Variants in FHIT observed in about 807,000 individuals in gnomAD.
FHIT encodes the protein bis(5'-adenosyl)-triphosphatase.
A neutral mutation model predicts 17.9 loss-of-function variants in FHIT; 19 were observed. The ratio of observed to expected loss-of-function variants is 1.06; its 90% CI spans 0.74 to 1.56. FHIT has a LOEUF of 1.56. Ranked by LOEUF, FHIT falls within the 40% of genes most tolerant of loss-of-function variation. FHIT has a pLI of 0.00. For missense variants in FHIT, 248 were observed against 189.2 expected (o/e 1.31, Z -1.82); for synonymous variants, 81 against 69.7 (o/e 1.16, Z -0.81).
At chr3:60,251,385 A>G (rs1245993128) in intron 5 of FHIT, among the ~76,000 whole-genome samples, 1 of 152,202 alleles carries the variant, frequency 6.6e-6, no homozygotes, top group Non-Finnish European at 1.5e-5. Context: ...ATGGCTTTCT[A>G]TGCAAGCACC....
At chr3:59,978,709 C>A (rs1708520374) in intron 7 of FHIT, among the ~76,000 whole-genome samples, 1 of 148,856 alleles carries the variant, frequency 6.7e-6, no homozygotes, top group African/African-American at 2.5e-5. Flanking sequence ...AATAGTTTTT[C>A]AGTAATTTTG....
At chr3:61,211,337 G>T (rs998003965) in intron 1 of FHIT, among the ~76,000 whole-genome samples, 1 of 152,140 alleles carries the variant, frequency 6.6e-6, no homozygotes, top group Non-Finnish European at 1.5e-5. Flanking sequence ...AAGAAACGGC[G>T]CACCAGAAGA....
chr3:61,126,758 G>A (rs1005105161), intron 2 of FHIT, among the ~76,000 whole-genome samples: 9 of 152,188 alleles, frequency 5.9e-5, no homozygotes, highest in African/African-American at 9.6e-5. Context: ...AACAAAGCCC[G>A]GAAGGAGCGT....
At chr3:60,810,897 G>GT (rs1208404076) in intron 4 of FHIT, among the ~76,000 whole-genome samples, 3 of 152,082 alleles carry the variant, frequency 2.0e-5, no homozygotes, top group Non-Finnish European at 2.9e-5. Context: ...TGCCCAAACT[G>GT]TTAAATTATT....
intron 8 of FHIT, among the ~76,000 whole-genome samples, chr3:59,783,036 G>A (rs571293632): frequency 6.6e-6 from 1 of 152,118 alleles, no homozygotes; most frequent in African/African-American, 2.4e-5. Context: ...GGTGTCTGGG[G>A]AGTAGGGGTC....
intron 4 of FHIT, among the ~76,000 whole-genome samples, chr3:60,738,956 G>C (rs2042188795): frequency 6.6e-6 from 1 of 152,076 alleles, no homozygotes; most frequent in African/African-American, 2.4e-5. Flanking sequence ...TCCAGGAGCA[G>C]ACAAGGAGAA....
chr3:60,017,547 TG>T (rs777304213), intron 5 of FHIT, among the ~76,000 whole-genome samples: 6 of 152,242 alleles, frequency 3.9e-5, no homozygotes, highest in Non-Finnish European at 8.8e-5. Context: ...ATCCATTGCT[TG>T]TTGGACAGTC....
chr3:60,132,784 A>C (rs1699649050), intron 5 of FHIT, among the ~76,000 whole-genome samples: 1 of 152,190 alleles, frequency 6.6e-6, no homozygotes, highest in South Asian at 2.1e-4. Flanking sequence ...TAAGGTAAAT[A>C]AGGTAAAATG....
intron 2 of FHIT, among the ~76,000 whole-genome samples, chr3:61,106,127 C>T (rs2035981755): frequency 6.6e-6 from 1 of 152,134 alleles, no homozygotes; most frequent in Non-Finnish European, 1.5e-5. Context: ...ACCTACTTCA[C>T]AAGGGAGATA....
intron 5 of FHIT, among the ~76,000 whole-genome samples, chr3:60,297,274 A>C (rs1708254731): frequency 6.6e-6 from 1 of 152,092 alleles, no homozygotes; most frequent in Non-Finnish European, 1.5e-5. Flanking sequence ...AACCTGTGAG[A>C]ATATGTCTCT....
chr3:61,093,170 T>C (rs750914948), intron 2 of FHIT, among the ~76,000 whole-genome samples: 6 of 152,152 alleles, frequency 3.9e-5, no homozygotes, highest in Non-Finnish European at 5.9e-5. Flanking sequence ...CTTGATATAA[T>C]GCATGGAAGG....
chr3:60,934,749 A>G (rs782772106), intron 3 of FHIT, among the ~76,000 whole-genome samples: 2 of 152,186 alleles, frequency 1.3e-5, no homozygotes, highest in Non-Finnish European at 2.9e-5. Context: ...CTAAATCACA[A>G]GAATCTCTGC....
At chr3:61,250,215 G>C (rs761483016) in intron 1 of FHIT, among the ~76,000 whole-genome samples, 1 of 152,216 alleles carries the variant, frequency 6.6e-6, no homozygotes, top group Non-Finnish European at 1.5e-5. Flanking sequence ...CAAGAGGCGG[G>C]ACTGCAACTC....
At chr3:60,169,855 G>C (rs1160833472) in intron 5 of FHIT, among the ~76,000 whole-genome samples, 1 of 152,038 alleles carries the variant, frequency 6.6e-6, no homozygotes, top group African/African-American at 2.4e-5. Context: ...GGAGGGAGGA[G>C]GTAGAATAAA....
chr3:59,789,650 A>G (rs973269115), intron 8 of FHIT, among the ~76,000 whole-genome samples: 2 of 152,142 alleles, frequency 1.3e-5, no homozygotes, highest in Non-Finnish European at 2.9e-5. Context: ...ACATTGAGGC[A>G]TTTATGTCTG....
intron 7 of FHIT, among the ~76,000 whole-genome samples, chr3:59,924,160 T>TA (rs1282368344): frequency 6.6e-6 from 1 of 152,164 alleles, no homozygotes; most frequent in African/African-American, 2.4e-5. Context: ...TGGGCTGACT[T>TA]AAAAGCAAAA....
intron 3 of FHIT, among the ~76,000 whole-genome samples, chr3:60,978,421 G>A (rs1486859783): frequency 1.3e-5 from 2 of 152,196 alleles, no homozygotes; most frequent in African/African-American, 4.8e-5. Flanking sequence ...TAGTCTTTGA[G>A]CCTGGGGCAG....
At chr3:59,835,246 G>C (rs1021836109) in intron 8 of FHIT, among the ~76,000 whole-genome samples, 1 of 152,124 alleles carries the variant, frequency 6.6e-6, no homozygotes, top group South Asian at 2.1e-4. Context: ...TTGGGTAATG[G>C]TTTGGATGTC....
Position 61,096,839 on chromosome 3 carries a change from G to A in FHIT, c.-163-54740C>T, listed in dbSNP as rs756889433. Among the ~76,000 whole-genome samples the A allele has an allele frequency of 1.4e-4, 21 of 152,194 alleles. 1 individual carries two copies. The highest frequency in any genetic ancestry group is 5.9e-4 in the Admixed American group (9 of 15,282). On this transcript the variant is annotated intron_variant, in intron 2 of 9. Coordinates refer to ENST00000492590, the MANE Select transcript of FHIT (RefSeq NM_002012.4). ...GAGCTGGAAAAAAGAGGCCGGGAGC[G>A]GCAGCTCACACCTGTAATCCCAGCA... is the stretch of plus-strand genomic sequence containing the variant.
Sources: allele counts gnomAD v4.1 joint callset (sites outside exome capture counted in the v4.1 genomes callset), GRCh38; gene constraint gnomAD v4.1.1; transcripts MANE v1.5; gene names NCBI Gene and HGNC (gene_info 2026-07-23, HGNC 2026-07-21).